NSUN5: variants seen among roughly 807,000 people sequenced by gnomAD.
NSUN5 encodes the protein 28S rRNA (cytosine-C(5))-methyltransferase.
In NSUN5, 39 loss-of-function variants were observed where a neutral mutation model predicts 51.1. That is an observed-to-expected ratio of 0.76 (90% CI 0.59 to 1.00). NSUN5 has a LOEUF of 1.00. Among genes scored for constraint, NSUN5 ranks in the 50% least tolerant of loss-of-function variants. The pLI is 0.00. For synonymous variants in NSUN5, 266 were observed against 271.5 expected (o/e 0.98, Z 0.20); for missense variants, 526 against 614.0 (o/e 0.86, Z 1.51).
chr7:73,303,891 G>A lies in NSUN5; in HGVS notation c.1080C>T (p.Ser360=). The stretch of plus-strand genomic sequence containing the variant: ...CGTCTTCATTCTCCTCCTGGCAGAG[G>A]GAGCACGTGGAGTAGACGAGCCGCT... ...SLQRLVYSTC[S]LCQEENEDVV... is the part of the protein sequence containing the mutation. Residue 360 remains serine (S), a synonymous_variant, in exon 8 of 10, where the codon TCC becomes TCT. Coordinates refer to ENST00000438747, the MANE Select transcript of NSUN5 (RefSeq NM_148956.4). 1.9e-6 allele frequency: 3 copies of A among 1,613,858 alleles called. No homozygotes were observed. Among genetic ancestry groups the A allele is most frequent in the Non-Finnish European group, 2.5e-6 (3 of 1,179,964 alleles).
In NSUN5 at chr7:73,303,108, G is replaced by A; in HGVS notation, c.*307C>T. ...TACACGCACTGGACGGCAGCGGGAG[G>A]CTGGGACTTTCCATTACAAATAGAG... On this transcript the variant is annotated 3_prime_UTR_variant, in exon 10 of 10. Transcript: ENST00000438747. 7.0e-7 allele frequency: 1 copy of A among 1,424,996 alleles called. No individual in the cohort carries two copies. Among genetic ancestry groups the A allele is most frequent in the Admixed American group, 2.9e-5 (1 of 34,554 alleles). The allele number at this position is 1,424,996 out of a possible 1,614,324, so 88.3% of individuals were successfully genotyped here.
rs373465655 is a variant in NSUN5, at chr7:73,307,684, C to T, written c.290G>A (p.Arg97Gln). Reference protein sequence around the residue: ...GGGRWKALLGRHQARLKAELA... With the variant: ...GGGRWKALLGQHQARLKAELA... ...CTCAGCCTTGAGCCTCGCCTGGTGC[C>T]GGCCCAACAGAGCCTTCCATCGGCC... The change falls in exon 3 of 10, where the codon CGG becomes CAG. Residue 97 changes from arginine to glutamine, a missense_variant. Transcript: ENST00000438747. 1.9e-6 allele frequency: 3 copies of T among 1,611,700 alleles called. No homozygotes were observed. The highest frequency in any genetic ancestry group is 2.7e-5 in the African/African-American group (2 of 74,778).
Position 73,303,939 on chromosome 7 carries a change from G to C in NSUN5, c.1032C>G (p.His344Gln). Residue 344 changes from histidine (H) to glutamine (Q), a missense_variant, in exon 8 of 10, where the codon CAC becomes CAG. His to Gln is a conservative substitution (Grantham distance 24, BLOSUM62 0). Coordinates refer to ENST00000438747, the MANE Select transcript of NSUN5 (RefSeq NM_148956.4). ...GCTGCAGGGAAGGGAAAGTGAGTGC[G>C]TGGCACAGGGCTCGCTGCTGGAACC... ...LAGFQQRALC[H>Q]ALTFPSLQRL... is the part of the protein sequence containing the mutation. 6.2e-7 allele frequency: 1 copy of C among 1,613,992 alleles called. No homozygotes were observed. The highest frequency in any genetic ancestry group is 1.1e-5 in the South Asian group (1 of 91,082).
At chr7:73,305,844 T>C (rs1295384379) in intron 4 of NSUN5, among the ~76,000 whole-genome samples, 2 of 152,174 alleles carry the variant, frequency 1.3e-5, no homozygotes, top group African/African-American at 4.8e-5. Context: ...TTCTCTGCTA[T>C]TCCACCCTGG....
chr7:73,305,179 G>A (rs1160663264), intron 4 of NSUN5, 82 bp from the exon 5 acceptor site: 3 of 1,523,638 alleles, frequency 2.0e-6, no homozygotes, highest in African/African-American at 2.7e-5. Flanking sequence ...TGCAACAAAT[G>A]TTACCACAGC....
chr7:73,304,011 C>A lies in NSUN5; in HGVS notation c.960G>T (p.Glu320Asp). The A allele has an allele frequency of 6.2e-7, 1 of 1,614,100 alleles. No individual in the cohort carries two copies. The highest frequency in any genetic ancestry group is 8.5e-7 in the Non-Finnish European group (1 of 1,180,024). Reference sequence around the variant, plus strand: ...CCGGGCTAGGTGTGCCTGCCCCGGGCTCCTCCAGCTGTCTGCTCGGCATAC... The same window carrying A: ...CCGGGCTAGGTGTGCCTGCCCCGGGATCCTCCAGCTGTCTGCTCGGCATAC... ...GSGMPSRQLE[E>D]PGAGTPSPVR... is the part of the protein sequence containing the mutation. Residue 320 changes from glutamate (E) to aspartate (D), a missense_variant, in exon 8 of 10, where the codon GAG becomes GAT. Glu to Asp is a conservative substitution (Grantham distance 45). Transcript: ENST00000438747.
intron 9 of NSUN5, 27 bp from the exon 10 acceptor site, chr7:73,303,556 C>T (rs1554541078): frequency 1.9e-6 from 3 of 1,614,006 alleles, no homozygotes; most frequent in East Asian, 2.2e-5. Context: ...GTTAGATGTG[C>T]CGGTGCCATC....
intron 2 of NSUN5, 104 bp downstream of exon 2, chr7:73,308,327 T>C (rs1333813027): frequency 2.1e-5 from 30 of 1,418,032 alleles, no homozygotes; most frequent in Non-Finnish European, 2.7e-5. Context: ...TCATTTCAGA[T>C]GAGCGACTTG....
In NSUN5 at chr7:73,307,260, C is replaced by A; in HGVS notation, c.500+134G>T. On this transcript the variant is annotated intron_variant, in intron 4 of 9. Coordinates refer to ENST00000438747, the MANE Select transcript of NSUN5 (RefSeq NM_148956.4). ...GTTTAAGGGATGGCAGGAAGACAAA[C>A]CTTGGAGATGGATAAACTGCTGGAA... 1.1e-5 allele frequency: 7 copies of A among 657,246 alleles called. No homozygotes were observed. The South Asian group carries it at 1.1e-4, about 11-fold the overall frequency. The allele number at this position is 657,246 out of a possible 1,614,324, so 40.7% of individuals were successfully genotyped here.
chr7:73,308,115 CT>C, intron 2 of NSUN5: 1 of 458,698 alleles, frequency 2.2e-6, no homozygotes, highest in Non-Finnish European at 3.9e-6. Flanking sequence ...CTCACTGCAG[CT>C]TCGACCTCCT....
Position 73,307,584 on chromosome 7 carries a change from T to C in NSUN5, c.390A>G (p.Pro130=), listed in dbSNP as rs1554542042. ...ACCCCCCAACTCCTTCCAGCTTACC[T>C]GGACCAGGCCTGGATCCCACTTCCA... is the stretch of plus-strand genomic sequence containing the variant. ...DLLEVGSRPG[P]ASQLPRFVRV... is the part of the protein sequence containing the mutation. Residue 130 remains proline (P), a splice_region_variant and synonymous_variant, in exon 3 of 10, where the codon CCA becomes CCG. Transcript: ENST00000438747. 3 of 1,113,824 alleles carry C rather than the reference T, an allele frequency of 2.7e-6. No homozygotes were observed. The highest frequency in any genetic ancestry group is 4.5e-5 in the Admixed American group (2 of 44,598). The allele number at this position is 1,113,824 out of a possible 1,614,324, so 69.0% of individuals were successfully genotyped here.
Position 73,308,503 on chromosome 7 carries a change from G to C in NSUN5, c.144C>G (p.Ala48=), listed in dbSNP as rs375136925. The C allele has an allele frequency of 7.7e-5, 124 of 1,606,732 alleles. No homozygotes were observed. The highest frequency in any genetic ancestry group is 9.9e-5 in the Non-Finnish European group (116 of 1,175,576). Residue 48 remains alanine (A), a synonymous_variant, in exon 2 of 10, where the codon GCC becomes GCG. Coordinates refer to ENST00000438747, the MANE Select transcript of NSUN5 (RefSeq NM_148956.4). ...ALVCETQRYS[A]VLDAVIASAG... ...CGCTGGCGATCACAGCATCCAGCAC[G>C]GCGGAGTAGCGCTGCGTTTCGCACA...
At chr7:73,306,385 C>CAAAAAA (rs36038371) in intron 4 of NSUN5, among the ~76,000 whole-genome samples, 12 of 26,044 alleles carry the variant, frequency 4.6e-4, no homozygotes, top group African/African-American at 1.5e-3. Context: ...ACCCTTGTCT[C>CAAAAAA]AAAAAAAAAA....
At chr7:73,308,622 A>G (rs782255270) in intron 1 of NSUN5, 69 bp from the exon 2 acceptor site, 2 of 1,379,544 alleles carry the variant, frequency 1.4e-6, no homozygotes, top group Non-Finnish European at 2.0e-6. Flanking sequence ...CCACCTCCCG[A>G]CCCCACCCGG....
chr7:73,303,691 G>C lies in NSUN5; in HGVS notation c.1195C>G (p.Pro399Ala), dbSNP rs781884776. The change falls in exon 9 of 10, where the codon CCG becomes GCG. Residue 399 changes from proline (P) to alanine (A), a missense_variant. By Grantham distance (27) the Pro-to-Ala change is conservative. Transcript: ENST00000438747. ...GCCCGGAGGCAGTGCTCGGCACCCGGGAACGTGCTCAGGCCTCGGTGGGGC... is the reference window on the plus strand; with the variant it reads ...GCCCGGAGGCAGTGCTCGGCACCCGCGAACGTGCTCAGGCCTCGGTGGGGC... ...AWPHRGLSTF[P>A]GAEHCLRASP... is the part of the protein sequence containing the mutation. The C allele has an allele frequency of 1.9e-6, 3 of 1,614,084 alleles. No homozygotes were observed. Among genetic ancestry groups the C allele is most frequent in the African/African-American group, 2.7e-5 (2 of 74,948 alleles).
Position 73,303,374 on chromosome 7 carries a change from T to C in NSUN5, c.*41A>G, listed in dbSNP as rs782377172. ...GGGTCCTCCACGGAGAGGACAGGCA[T>C]CTTCCTTTCCCACCAGGAAGGAGTC... On this transcript the variant is annotated 3_prime_UTR_variant, in exon 10 of 10. Transcript: ENST00000438747. 1.2e-6 allele frequency: 2 copies of C among 1,614,024 alleles called. No homozygotes were observed. Among genetic ancestry groups the C allele is most frequent in the Admixed American group, 3.3e-5 (2 of 60,016 alleles).
chr7:73,308,810 G>A lies in NSUN5; in HGVS notation c.-20C>T, dbSNP rs782559319. 3 of 1,607,860 alleles carry A rather than the reference G, an allele frequency of 1.9e-6. No homozygotes were observed. The highest frequency in any genetic ancestry group is 1.1e-5 in the South Asian group (1 of 90,920). ...CCCCATGTTCCCGCGCGCCTTTACG[G>A]CTCTGTGGCAAAACGCACCCGGCTC... On this transcript the variant is annotated 5_prime_UTR_variant, in exon 1 of 10. Coordinates refer to ENST00000438747, the MANE Select transcript of NSUN5 (RefSeq NM_148956.4).
In NSUN5 at chr7:73,303,718, A is replaced by G. The variant is rs4030982; in HGVS notation, c.1168T>C (p.Trp390Arg). ...AACGTGCTCAGGCCTCGGTGGGGCC[A>G]GGCAGGCAGGGCGGGAGCTAGCCTG... Reference protein sequence around the residue: ...AFRLAPALPAWPHRGLSTFPG... With the variant: ...AFRLAPALPARPHRGLSTFPG... The change falls in exon 9 of 10, where the codon TGG (tryptophan) becomes CGG (arginine). Residue 390 changes from tryptophan (W) to arginine (R), a missense_variant. Transcript: ENST00000438747. The G allele has an allele frequency of 2.9e-5, 47 of 1,613,912 alleles. No homozygotes were observed. Among genetic ancestry groups the G allele is most frequent in the African/African-American group, 6.7e-5 (5 of 74,912 alleles).
At chr7:73,307,833 T>C (rs1804109368) in intron 2 of NSUN5, 76 bp from the exon 3 acceptor site, 1 of 1,322,084 alleles carries the variant, frequency 7.6e-7, no homozygotes, top group Non-Finnish European at 1.0e-6. Flanking sequence ...CTAACTCTAA[T>C]GGAGCCCCGG....
Sources: allele counts gnomAD v4.1 joint callset (sites outside exome capture counted in the v4.1 genomes callset), GRCh38; gene constraint gnomAD v4.1.1; transcripts MANE v1.5; gene names NCBI Gene and HGNC (gene_info 2026-07-23, HGNC 2026-07-21).